Variants in MGRN1 observed in about 807,000 individuals in gnomAD.
MGRN1 encodes the protein mahogunin ring finger 1, also known as E3 ubiquitin-protein ligase MGRN1.
Under a neutral mutation model 69.2 loss-of-function variants are expected in MGRN1, and 29 were observed. The ratio of observed to expected loss-of-function variants is 0.42; its 90% CI spans 0.31 to 0.57. The LOEUF is 0.57. Among genes scored for constraint, MGRN1 ranks in the 20% least tolerant of loss-of-function variants. The pLI is 0.15. For synonymous variants in MGRN1, 470 were observed against 344.2 expected (o/e 1.37, Z -4.04); for missense variants, 998 against 796.2 (o/e 1.25, Z -3.05).
intron 7 of MGRN1, among the ~76,000 whole-genome samples, chr16:4,667,813 C>G (rs1038022757): frequency 6.6e-6 from 1 of 152,154 alleles, no homozygotes; most frequent in South Asian, 2.1e-4. Context: ...TGTGTGTGCA[C>G]CACTGTGCGT....
intron 1 of MGRN1, among the ~76,000 whole-genome samples, chr16:4,643,899 C>A (rs1240828316): frequency 6.6e-6 from 1 of 152,084 alleles, no homozygotes; most frequent in African/African-American, 2.4e-5. Flanking sequence ...CCTTTTTCTC[C>A]TGGTTAATTC....
rs200132461 is a variant in MGRN1, at chr16:4,664,793, C to G, written c.628+18C>G. ...AGGAGATGGTGAGTGCGTCCTCTTC[C>G]GTCCTCCTGGGCGTGCAGGCCGTGC... is the stretch of plus-strand genomic sequence containing the variant. On this transcript the variant is annotated intron_variant, in intron 6 of 16. Transcript: ENST00000262370. 1.7e-3 allele frequency: 2,687 copies of G among 1,613,780 alleles called. 4 individuals are homozygous for G. Among genetic ancestry groups the G allele is most frequent in the Non-Finnish European group, 2.1e-3 (2,509 of 1,179,752 alleles).
intron 2 of MGRN1, among the ~76,000 whole-genome samples, chr16:4,651,341 G>C (rs1420308490): frequency 6.6e-6 from 1 of 152,182 alleles, no homozygotes; most frequent in African/African-American, 2.4e-5. Context: ...CCCTGCCTCT[G>C]CTACCTGGTG....
intron 4 of MGRN1, 95 bp from the exon 5 acceptor site, chr16:4,657,151 T>C (rs2078563041): frequency 1.7e-6 from 2 of 1,172,846 alleles, no homozygotes; most frequent in Admixed American, 3.7e-5. Flanking sequence ...AAAAGACAGG[T>C]GTCTGCGGCC....
chr16:4,643,006 A>G (rs1226039856), intron 1 of MGRN1, among the ~76,000 whole-genome samples: 1 of 152,010 alleles, frequency 6.6e-6, no homozygotes, highest in East Asian at 1.9e-4. Context: ...CCCAGGCTAG[A>G]GTGAAGTGGC....
chr16:4,626,042 G>A (rs1353345145), intron 1 of MGRN1, among the ~76,000 whole-genome samples: 1 of 152,220 alleles, frequency 6.6e-6, no homozygotes. Flanking sequence ...GGCCTGCCTG[G>A]GACCCCTTGG....
At position 4,671,397 on chromosome 16, in the gene MGRN1, C is replaced by T. The variant is rs771120818; in HGVS notation, c.733C>T (p.Arg245Trp). The part of the protein sequence containing the change: ...KPLKQKQIVD[R>W]VSYLLQEIYG... The stretch of plus-strand genomic sequence containing the variant: ...GCCCCTCTCTGCTCTCCAGGTGGAC[C>T]GGGTCAGCTACCTCCTGCAGGAGAT... The change falls in exon 9 of 17, where the codon CGG (arginine) becomes TGG (tryptophan). Residue 245 changes from arginine (R) to tryptophan (W), a missense_variant. Physicochemically the swap from Arg to Trp is moderately radical, Grantham distance 101. Transcript: ENST00000262370. The T allele has an allele frequency of 1.9e-5, 31 of 1,613,918 alleles. No homozygotes were observed. Among genetic ancestry groups the T allele is most frequent in the Admixed American group, 1.0e-4 (6 of 59,982 alleles).
chr16:4,683,121 A>G (rs1173496597), intron 14 of MGRN1, 103 bp from the exon 15 acceptor site: 49 of 1,531,992 alleles, frequency 3.2e-5, no homozygotes, highest in Non-Finnish European at 4.0e-5. Context: ...CCCCTGGTGG[A>G]GCGGCTGTGC....
At chr16:4,676,187 G>T (rs1029237665) in intron 10 of MGRN1, among the ~76,000 whole-genome samples, 1 of 152,236 alleles carries the variant, frequency 6.6e-6, no homozygotes, top group Admixed American at 6.5e-5. Flanking sequence ...GGGAGAGGCC[G>T]GCCGCCCAGC....
chr16:4,646,570 G>A (rs1247151354), intron 1 of MGRN1, among the ~76,000 whole-genome samples: 2 of 152,162 alleles, frequency 1.3e-5, no homozygotes, highest in African/African-American at 4.8e-5. Context: ...TCTCCATGGG[G>A]CTGCTTGGGT....
At chr16:4,630,135 T>C (rs1897924866) in intron 1 of MGRN1, among the ~76,000 whole-genome samples, 1 of 150,812 alleles carries the variant, frequency 6.6e-6, no homozygotes, top group Non-Finnish European at 1.5e-5. Context: ...GTGGATTGCC[T>C]GAGCTCAGGA....
chr16:4,650,288 C>T (rs2078373901), intron 1 of MGRN1, 77 bp from the exon 2 acceptor site: 2 of 1,172,310 alleles, frequency 1.7e-6, no homozygotes, highest in African/African-American at 1.6e-5. Flanking sequence ...GGGTGGAGCG[C>T]CACTGCACTC....
intron 1 of MGRN1, among the ~76,000 whole-genome samples, chr16:4,632,687 C>CA (rs1898071478): frequency 1.3e-5 from 2 of 152,284 alleles, no homozygotes; most frequent in South Asian, 2.1e-4. Flanking sequence ...AGCCACCGTG[C>CA]CGGGACCAGT....
Position 4,668,651 on chromosome 16 carries a change from CAT to C in MGRN1, c.726+343_726+344del, listed in dbSNP as rs564428860. Among the ~76,000 whole-genome samples, 110 of 151,898 alleles carry C rather than the reference CAT, an allele frequency of 7.2e-4. 1 individual carries two copies. The highest frequency in any genetic ancestry group is 1.9e-3 in the South Asian group (9 of 4,812). ...TCAGATGCACACACTCAGACACACT[CAT>C]ATACTCAGTCACACACATATACATA... On this transcript the variant is annotated intron_variant, in intron 8 of 16. Transcript: ENST00000262370.
At chr16:4,668,196 G>T (rs1237432136) in intron 7 of MGRN1, 69 bp from the exon 8 acceptor site, 1 of 1,424,390 alleles carries the variant, frequency 7.0e-7, no homozygotes, top group African/African-American at 1.4e-5. Context: ...GCCAACCCAG[G>T]CGGCCACGCA....
rs768130635 is a variant in MGRN1 at position 4,688,340 on chromosome 16, C to T, written c.1619-456C>T. The T allele has an allele frequency of 1.6e-4, 158 of 989,834 alleles. 1 individual carries two copies. Among genetic ancestry groups the T allele is most frequent in the Middle Eastern group, 1.5e-3 (3 of 1,958 alleles). The allele number at this position is 989,834 out of a possible 1,614,324, so 61.3% of individuals were successfully genotyped here. A position where few individuals can be genotyped will look rare whatever the true frequency, so the allele number is the denominator to read the frequency against. On this transcript the variant is annotated intron_variant, in intron 16 of 16. Transcript: ENST00000262370. ...CTCTCTTTGCCTTGCAGTAGCCATC[C>T]GGGGGCTACTCTGAGCACGGGCTTG...
chr16:4,673,548 G>A lies in MGRN1; in HGVS notation c.846G>A (p.Leu282=), dbSNP rs1232256818. Residue 282 remains leucine (L), a synonymous_variant, in exon 10 of 17, where the codon CTG becomes CTA. Coordinates refer to ENST00000262370, the MANE Select transcript of MGRN1 (RefSeq NM_015246.4). ...SDNSNECVVC[L]SDLRDTLILP... is the part of the protein sequence containing the mutation. ...ACAGCAACGAGTGTGTGGTGTGCCT[G>A]TCCGACCTGCGGGACACGCTGATCC... 3 of 1,613,786 alleles carry A rather than the reference G, an allele frequency of 1.9e-6. No individual in the cohort carries two copies. Among genetic ancestry groups the A allele is most frequent in the Non-Finnish European group, 2.5e-6 (3 of 1,180,010 alleles).
At chr16:4,646,083 G>C (rs1351679752) in intron 1 of MGRN1, among the ~76,000 whole-genome samples, 1 of 151,842 alleles carries the variant, frequency 6.6e-6, no homozygotes, top group East Asian at 1.9e-4. Context: ...TTACGGTGAG[G>C]GTCGGGATTG....
intron 16 of MGRN1, chr16:4,687,025 C>T (rs904422219): frequency 1.0e-6 from 1 of 985,592 alleles, no homozygotes; most frequent in African/African-American, 1.7e-5. Context: ...CCGCTCCCTC[C>T]TTCCCTTGTC....
Sources: gnomAD v4.1 joint callset for allele counts (sites outside exome capture counted in the v4.1 genomes callset) on GRCh38, gnomAD v4.1.1 for gene constraint, MANE v1.5 for transcripts, NCBI Gene and HGNC (gene_info 2026-07-23, HGNC 2026-07-21) for gene names.